The following GLS variants were observed in gnomAD, a reference collection of about 807,000 sequenced individuals.
The protein encoded by GLS is glutaminase.
A neutral mutation model predicts 86.7 loss-of-function variants in GLS; 36 were observed. That is an observed-to-expected ratio of 0.42 (90% confidence interval 0.32 to 0.55). GLS has a LOEUF of 0.55. GLS is among the 20% of genes least tolerant of loss of function. The probability of loss-of-function intolerance (pLI) is 0.17; values close to 1 mark genes in which losing one functional copy is unlikely to be tolerated. For synonymous variants in GLS, 317 were observed against 305.9 expected (o/e 1.04, Z -0.38); for missense variants, 528 against 833.4 (o/e 0.63, Z 4.51).
In GLS at chr2:190,895,171, T is replaced by C. The variant is rs756020949; in HGVS notation, c.406T>C (p.Leu136=). 4 of 1,521,846 alleles carry C rather than the reference T, an allele frequency of 2.6e-6. No homozygotes were observed. The Admixed American group carries it at 6.7e-5, about 26-fold the overall frequency. The allele number at this position is 1,521,846 out of a possible 1,614,324, so 94.3% of individuals were successfully genotyped here. A position where few individuals can be genotyped will look rare whatever the true frequency, so the allele number is the denominator to read the frequency against. The change falls in exon 2 of 18, where the codon TTA becomes CTA. Residue 136 remains leucine (L), a synonymous_variant. Transcript: ENST00000320717. This position sits in a 1 kb window ranked among gnomAD's most constrained non-coding sequence, Gnocchi z 4.2. ...SGENKIKQGL[L]PSLEDLLFYT... ...CTTTAGTAAAATAAAACAGGGTCTG[T>C]TACCTAGCTTGGAAGATTTGCTGTT... is the stretch of plus-strand genomic sequence containing the variant.
intron 14 of GLS, among the ~76,000 whole-genome samples, chr2:190,948,220 T>C (rs1408042104): frequency 6.6e-6 from 1 of 152,228 alleles, no homozygotes; most frequent in African/African-American, 2.4e-5. Flanking sequence ...GCTAGCCTTT[T>C]GTTTTCATGG....
intron 1 of GLS, among the ~76,000 whole-genome samples, chr2:190,885,311 C>T (rs1468993884): frequency 6.6e-6 from 1 of 152,024 alleles, no homozygotes; most frequent in African/African-American, 2.4e-5. Context: ...CCTGCCTCAG[C>T]CTCCCGAGTA....
rs1205033821 is a variant in GLS at position 190,963,910 on chromosome 2, T to C, written c.*924T>C. ...ACTGCAGCTCTTTAAGAAGTTTTTT[T>C]TTTTTAGCTTCTAGGGTAAAGATAA... On this transcript the variant is annotated 3_prime_UTR_variant, in exon 18 of 18. Transcript: ENST00000320717. 1.3e-5 allele frequency: 2 copies of C among 152,218 alleles called. No homozygotes were observed. Among genetic ancestry groups the C allele is most frequent in the Non-Finnish European group, 2.9e-5 (2 of 68,036 alleles). The allele number at this position is 152,218 out of a possible 1,614,324, so 9.4% of individuals were successfully genotyped here. A position where few individuals can be genotyped will look rare whatever the true frequency, so the allele number is the denominator to read the frequency against.
chr2:190,954,596 A>T lies in GLS; in HGVS notation c.1725A>T (p.Ser575=), dbSNP rs753977789. Residue 575 remains serine (S), a synonymous_variant, in exon 16 of 18, where the codon TCA becomes TCT. Coordinates refer to ENST00000320717, the MANE Select transcript of GLS (RefSeq NM_014905.5). The surrounding 1 kb of genome is among the most constrained non-coding windows in gnomAD (Gnocchi z 4.0). ...DVSALRRFAL[S]AMDMEQRDYD... ...TACACATTTTCAGATTTGCTTTGTC[A>T]GCTATGGACATGGAACAGCGGGACT... 6.2e-7 allele frequency: 1 copy of T among 1,610,042 alleles called. No homozygotes were observed. The highest frequency in any genetic ancestry group is 1.7e-5 in the Admixed American group (1 of 59,502).
rs1338288964 is a variant in GLS, at chr2:190,955,462, C to T, written c.1853+644C>T. 6.6e-6 allele frequency among the ~76,000 whole-genome samples: 1 copy of T among 152,168 alleles called. No individual in the cohort carries two copies. The highest frequency in any genetic ancestry group is 1.5e-5 in the Non-Finnish European group (1 of 68,030). ...GTCCCTGCAAAGGACATGAACTCAT[C>T]CTTTTTTATGATTGCATAGTATTCC... On this transcript the variant is annotated intron_variant, in intron 17 of 17. Coordinates refer to ENST00000320717, the MANE Select transcript of GLS (RefSeq NM_014905.5). This position sits in a 1 kb window ranked among gnomAD's most constrained non-coding sequence, Gnocchi z 5.6.
At chr2:190,923,818 A>G in intron 9 of GLS, 99 bp from the exon 10 acceptor site, 1 of 747,010 alleles carries the variant, frequency 1.3e-6, no homozygotes, top group Non-Finnish European at 2.3e-6. Context: ...ATCTTAGTTC[A>G]GTGTTCTTTA....
intron 14 of GLS, among the ~76,000 whole-genome samples, chr2:190,936,187 G>A (rs2124925543): frequency 6.6e-6 from 1 of 151,064 alleles, no homozygotes; most frequent in Admixed American, 6.6e-5. Context: ...TTTATTTGAA[G>A]TAAAGAGAGA....
In GLS at chr2:190,882,132, G is replaced by A. The variant is rs2125969305; in HGVS notation, c.386+662G>A. On this transcript the variant is annotated intron_variant, in intron 1 of 17. Transcript: ENST00000320717. ...TGTGGCCGAGAAGATGGGGCACGCA[G>A]TATAGACCACCTGTTTGCATAAGGG... The A allele has an allele frequency of 2.0e-5, 3 of 152,380 alleles. No homozygotes were observed. In the South Asian group the frequency reaches 6.2e-4, roughly 32 times the overall value. The allele number at this position is 152,380 out of a possible 1,614,324, so 9.4% of individuals were successfully genotyped here. A position where few individuals can be genotyped will look rare whatever the true frequency, so the allele number is the denominator to read the frequency against.
intron 5 of GLS, among the ~76,000 whole-genome samples, chr2:190,904,450 C>T (rs190226546): frequency 9.4e-4 from 143 of 152,178 alleles, no homozygotes; most frequent in Admixed American, 1.8e-3. Context: ...TATTCTGTTA[C>T]GTGAATACTT....
At chr2:190,902,395 C>T (rs894414511) in intron 5 of GLS, among the ~76,000 whole-genome samples, 4 of 152,084 alleles carry the variant, frequency 2.6e-5, no homozygotes, top group Non-Finnish European at 5.9e-5. Flanking sequence ...ACCCATCTGT[C>T]GTTGTCTTTG....
chr2:190,935,302 TTTTG>T lies in GLS; in HGVS notation c.1650+3669_1650+3672del. On this transcript the variant is annotated intron_variant, in intron 14 of 17. Transcript: ENST00000320717. This position sits in a 1 kb window ranked among gnomAD's most constrained non-coding sequence, Gnocchi z 4.2. ...TATTTTAAGCTGATTTTATTGTTTT[TTTTG>T]TTTTGTTTTGTTTTGTTTTTATAAA... 13 of 379,036 alleles carry T rather than the reference TTTTG, an allele frequency of 3.4e-5. No homozygotes were observed. Among genetic ancestry groups the T allele is most frequent in the Non-Finnish European group, 4.0e-5 (11 of 276,164 alleles). 23.5% of individuals were successfully genotyped at this position (379,036 alleles called of 1,614,324 possible).
rs770419477 is a variant in GLS, at chr2:190,960,359, A to ATTTTTTTTTTT, written c.1854-2459_1854-2449dup. 1.2e-4 allele frequency among the ~76,000 whole-genome samples: 12 copies of ATTTTTTTTTTT among 101,484 alleles called. No homozygotes were observed. The South Asian group carries it at 1.7e-3, about 14-fold the overall frequency. 66.6% of individuals were successfully genotyped at this position (101,484 alleles called of 152,430 possible). On this transcript the variant is annotated intron_variant, in intron 17 of 17. Transcript: ENST00000320717. Reference sequence around the variant, plus strand: ...TTGTGTTTCTGTTTATTAAGCTTCAATTTTTTTTTTTTTTTTTTTTTTGAG... The same window carrying ATTTTTTTTTTT: ...TTGTGTTTCTGTTTATTAAGCTTCAATTTTTTTTTTTTTTTTTTTTTTTTTTTTTTTTTGAG...
In GLS at chr2:190,910,067, A is replaced by G. The variant is rs1419906954; in HGVS notation, c.980-196A>G. Among the ~76,000 whole-genome samples the G allele has an allele frequency of 1.3e-5, 2 of 152,142 alleles. 1 individual carries two copies. ...AAAAAAAATCCCTTATAATTTTATT[A>G]TTCTATGTAAATCACTTGTTTGTGT... On this transcript the variant is annotated intron_variant, in intron 6 of 17. Transcript: ENST00000320717.
chr2:190,943,028 G>GATATCTAAATCTAAA lies in GLS; in HGVS notation c.1651-10537_1651-10536insATATCTAAATCTAAA, dbSNP rs1690486542. On this transcript the variant is annotated intron_variant, in intron 14 of 17. Coordinates refer to ENST00000320717, the MANE Select transcript of GLS (RefSeq NM_014905.5). This position sits in a 1 kb window ranked among gnomAD's most constrained non-coding sequence, Gnocchi z 4.5. Reference sequence around the variant, plus strand: ...TAAATCTAAAGAAAGAAGCTTTACTGGAAACTCACCTGACGCTCATTGACC... The same window carrying GATATCTAAATCTAAA: ...TAAATCTAAAGAAAGAAGCTTTACTGATATCTAAATCTAAAGAAACTCACCTGACGCTCATTGACC... Among the ~76,000 whole-genome samples, 1 of 152,176 alleles carries GATATCTAAATCTAAA rather than the reference G, an allele frequency of 6.6e-6. No individual in the cohort carries two copies. Among genetic ancestry groups the GATATCTAAATCTAAA allele is most frequent in the Admixed American group, 6.5e-5 (1 of 15,270 alleles).
At chr2:190,883,870 C>T (rs1001873210) in intron 1 of GLS, among the ~76,000 whole-genome samples, 1 of 152,132 alleles carries the variant, frequency 6.6e-6, no homozygotes, top group Non-Finnish European at 1.5e-5. Context: ...ATTTTATTTA[C>T]TTTATATTCT....
chr2:190,915,040 G>A (rs950837739), intron 7 of GLS, among the ~76,000 whole-genome samples: 17 of 150,712 alleles, frequency 1.1e-4, no homozygotes, highest in African/African-American at 3.4e-4. Context: ...TTTTTGAGAC[G>A]AAGTCTTGCT....
intron 17 of GLS, among the ~76,000 whole-genome samples, chr2:190,957,319 T>A (rs1690883931): frequency 6.6e-6 from 1 of 152,206 alleles, no homozygotes; most frequent in Admixed American, 6.5e-5. Flanking sequence ...CTCGAACTCC[T>A]GACCTCAGGT....
Position 190,895,771 on chromosome 2 carries a change from C to T in GLS, c.605+46C>T, listed in dbSNP as rs1027373365. ...TTTAATGGTGATTTGCTATGCTATACGGTGATTCTGCTTTTAAAACAAAAT... is the reference window on the plus strand; with the variant it reads ...TTTAATGGTGATTTGCTATGCTATATGGTGATTCTGCTTTTAAAACAAAAT... On this transcript the variant is annotated intron_variant, in intron 3 of 17. Transcript: ENST00000320717. This position sits in a 1 kb window ranked among gnomAD's most constrained non-coding sequence, Gnocchi z 4.2. The T allele has an allele frequency of 4.7e-5, 69 of 1,476,562 alleles. 1 individual carries two copies. In the Middle Eastern group the frequency reaches 1.6e-3, roughly 35 times the overall value. 91.5% of individuals were successfully genotyped at this position (1,476,562 alleles called of 1,614,324 possible).
intron 14 of GLS, chr2:190,933,040 C>T: frequency 9.2e-7 from 1 of 1,090,464 alleles, no homozygotes; most frequent in Non-Finnish European, 1.1e-6. Flanking sequence ...TTAAGAAGTG[C>T]ATTTGTTGGT....
Sources: gnomAD v4.1 joint callset for allele counts (sites outside exome capture counted in the v4.1 genomes callset) on GRCh38, gnomAD v4.1.1 for gene constraint, Gnocchi (gnomAD v3.1) non-coding constraint, MANE v1.5 for transcripts, NCBI Gene and HGNC (gene_info 2026-07-23, HGNC 2026-07-21) for gene names.